VEPH1: variants seen among roughly 807,000 people sequenced by gnomAD.
The protein encoded by VEPH1 is ventricular zone-expressed PH domain-containing protein homolog 1.
VEPH1 carries 80 observed loss-of-function variants against 85.2 expected under a neutral mutation model. That is an observed-to-expected ratio of 0.94 (90% CI 0.78 to 1.13). The LOEUF is 1.13. Among genes scored for constraint, VEPH1 ranks in the 50% most tolerant of loss-of-function variants. The pLI is 0.00. For synonymous variants in VEPH1, 297 were observed against 348.0 expected, an observed-to-expected ratio of 0.85 and a Z score of 1.63; for missense variants, 955 against 980.5, an observed-to-expected ratio of 0.97 and a Z score of 0.35.
rs1731586630 is a variant in VEPH1, at chr3:157,412,231, A to C, written c.906+1650T>G. ...TTTTCTTTATAAATTACCCAGTCCC[A>C]GGTATTTCCTTATAACAGTGCAAGA... is the stretch of plus-strand genomic sequence containing the variant. On this transcript the variant is annotated intron_variant, in intron 6 of 13. Transcript: ENST00000362010. Among the ~76,000 whole-genome samples, 5 of 152,172 alleles carry C rather than the reference A, an allele frequency of 3.3e-5. No individual in the cohort carries two copies. In the South Asian group the frequency reaches 1.0e-3, roughly 31 times the overall value.
At chr3:157,406,010 G>A (rs1482038659) in intron 6 of VEPH1, among the ~76,000 whole-genome samples, 2 of 152,098 alleles carry the variant, frequency 1.3e-5, no homozygotes, top group Non-Finnish European at 2.9e-5. Flanking sequence ...TGTACTCAAA[G>A]TTTGCCTTTG....
chr3:157,352,600 GA>G (rs1724984500), intron 9 of VEPH1, among the ~76,000 whole-genome samples: 2 of 152,264 alleles, frequency 1.3e-5, no homozygotes, highest in East Asian at 3.9e-4. Context: ...GATGTCTAGA[GA>G]AAGGACAGGA....
intron 10 of VEPH1, among the ~76,000 whole-genome samples, chr3:157,314,596 A>T (rs976833921): frequency 6.6e-6 from 1 of 152,030 alleles, no homozygotes; most frequent in African/African-American, 2.4e-5. Flanking sequence ...TTAAAGAATA[A>T]AATTCAAATA....
In VEPH1 at chr3:157,413,944, C is replaced by G; in HGVS notation, c.843G>C (p.Glu281Asp). The change falls in exon 6 of 14, where the codon GAG becomes GAC. Residue 281 changes from glutamate (E) to aspartate (D), a missense_variant. Glu to Asp is a conservative substitution (Grantham distance 45, BLOSUM62 2). Coordinates refer to ENST00000362010, the MANE Select transcript of VEPH1 (RefSeq NM_001167912.2). ...SFLPMLKEIG[E>D]RFPYLTGQMA... is the part of the protein sequence containing the mutation. Reference sequence around the variant, plus strand: ...TCTGTCCAGTGAGGTAGGGGAATCTCTCACCAATCTCTTTCAGCATTGGAA... The same window carrying G: ...TCTGTCCAGTGAGGTAGGGGAATCTGTCACCAATCTCTTTCAGCATTGGAA... 1.2e-6 allele frequency: 2 copies of G among 1,613,724 alleles called. No homozygotes were observed. Among genetic ancestry groups the G allele is most frequent in the Non-Finnish European group, 1.7e-6 (2 of 1,179,758 alleles).
At chr3:157,387,096 T>G (rs1205702434) in intron 6 of VEPH1, among the ~76,000 whole-genome samples, 1 of 152,228 alleles carries the variant, frequency 6.6e-6, no homozygotes, top group African/African-American at 2.4e-5. Context: ...AGTAAATTAG[T>G]GGATGTGGCT....
At chr3:157,498,761 C>T (rs1259477121) in intron 1 of VEPH1, among the ~76,000 whole-genome samples, 1 of 152,190 alleles carries the variant, frequency 6.6e-6, no homozygotes, top group African/African-American at 2.4e-5. Flanking sequence ...GCTTCTCCTG[C>T]TGTTCTTTTT....
At chr3:157,373,283 A>G (rs1469934083) in intron 7 of VEPH1, among the ~76,000 whole-genome samples, 1 of 152,206 alleles carries the variant, frequency 6.6e-6, no homozygotes, top group East Asian at 1.9e-4. Flanking sequence ...AGTAATACAT[A>G]TTAGGGCACT....
chr3:157,296,366 A>G (rs1296427719), intron 11 of VEPH1, among the ~76,000 whole-genome samples: 3 of 152,222 alleles, frequency 2.0e-5, no homozygotes, highest in Admixed American at 6.5e-5. Context: ...TAGTGAAGCA[A>G]AGAGACTAGC....
At chr3:157,268,417 TAAAAC>T (rs757242276) in intron 12 of VEPH1, among the ~76,000 whole-genome samples, 4 of 152,216 alleles carry the variant, frequency 2.6e-5, no homozygotes, top group African/African-American at 7.2e-5. Context: ...AAAAATAAGT[TAAAAC>T]AAACAACAAA....
At chr3:157,362,281 T>C (rs1279164739) in intron 9 of VEPH1, among the ~76,000 whole-genome samples, 1 of 152,192 alleles carries the variant, frequency 6.6e-6, no homozygotes, top group African/African-American at 2.4e-5. Context: ...TCCACCTGCC[T>C]CAGCCTCCCA....
chr3:157,288,699 T>G (rs891263980), intron 11 of VEPH1, among the ~76,000 whole-genome samples: 1 of 152,204 alleles, frequency 6.6e-6, no homozygotes, highest in Non-Finnish European at 1.5e-5. Context: ...GTCTGTTGTG[T>G]TGGCTGCTAT....
intron 13 of VEPH1, among the ~76,000 whole-genome samples, chr3:157,264,445 G>T (rs1006012067): frequency 6.6e-6 from 1 of 152,036 alleles, no homozygotes; most frequent in Non-Finnish European, 1.5e-5. Flanking sequence ...AGTAAATCTC[G>T]TATATGTCTT....
At chr3:157,308,107 A>G (rs1674162360) in intron 11 of VEPH1, among the ~76,000 whole-genome samples, 2 of 151,788 alleles carry the variant, frequency 1.3e-5, no homozygotes, top group Non-Finnish European at 3.0e-5. Context: ...TGAACTTTCC[A>G]CACAAATAAT....
intron 9 of VEPH1, among the ~76,000 whole-genome samples, chr3:157,362,527 C>T (rs1466054905): frequency 1.3e-5 from 2 of 152,150 alleles, no homozygotes; most frequent in Non-Finnish European, 2.9e-5. Flanking sequence ...ATGGTCCTGA[C>T]ATAAGATGGT....
intron 7 of VEPH1, among the ~76,000 whole-genome samples, chr3:157,365,037 C>T (rs550730448): frequency 3.9e-5 from 6 of 152,232 alleles, no homozygotes; most frequent in African/African-American, 1.4e-4. Context: ...TTTCTGTGAA[C>T]GATATTAATA....
At chr3:157,436,429 A>G (rs925596084) in intron 4 of VEPH1, among the ~76,000 whole-genome samples, 5 of 152,202 alleles carry the variant, frequency 3.3e-5, no homozygotes, top group Non-Finnish European at 7.3e-5. Context: ...AACCTGTAAA[A>G]CAGTGTACAA....
chr3:157,275,933 T>C (rs1715337805), intron 12 of VEPH1, among the ~76,000 whole-genome samples: 1 of 152,188 alleles, frequency 6.6e-6, no homozygotes, highest in South Asian at 2.1e-4. Flanking sequence ...GCTAGAAGCA[T>C]TAAATGAAGG....
intron 4 of VEPH1, among the ~76,000 whole-genome samples, chr3:157,444,510 C>A (rs542064592): frequency 1.3e-5 from 2 of 152,176 alleles, no homozygotes; most frequent in Non-Finnish European, 2.9e-5. Context: ...GGCTGATAGG[C>A]CAGTCTCAGA....
chr3:157,424,737 T>C (rs949887426), intron 5 of VEPH1, among the ~76,000 whole-genome samples: 13 of 152,182 alleles, frequency 8.5e-5, no homozygotes, highest in African/African-American at 2.9e-4. Flanking sequence ...ATCTGGCAAA[T>C]AAATTTCTAA....
Sources: gnomAD v4.1 joint callset for allele counts (sites outside exome capture counted in the v4.1 genomes callset) on GRCh38, gnomAD v4.1.1 for gene constraint, MANE v1.5 for transcripts, NCBI Gene and HGNC (gene_info 2026-07-23, HGNC 2026-07-21) for gene names.